Variants in KIAA1328 observed in about 807,000 individuals in gnomAD.
KIAA1328 encodes protein hinderin.
In KIAA1328, 52 loss-of-function variants were observed where a neutral mutation model predicts 68.1. The observed-to-expected ratio is 0.76, with a 90% CI of 0.61 to 0.96. The LOEUF (loss-of-function observed/expected upper bound fraction) is 0.96, where lower values mean the gene tolerates loss of function less well. KIAA1328 is among the 40% of genes least tolerant of loss of function. The probability of loss-of-function intolerance (pLI) is 0.00; values close to 1 mark genes in which losing one functional copy is unlikely to be tolerated. For synonymous variants in KIAA1328, 232 were observed against 239.4 expected (o/e 0.97, Z 0.28); for missense variants, 641 against 677.6 (o/e 0.95, Z 0.60).
intron 6 of KIAA1328, among the ~76,000 whole-genome samples, chr18:37,054,918 G>A (rs1411096518): frequency 6.6e-6 from 1 of 152,212 alleles, no homozygotes; most frequent in Admixed American, 6.5e-5. Flanking sequence ...CTGACATTTG[G>A]TAGGTGTTAC....
At chr18:37,216,522 C>T (rs2060437523) in intron 9 of KIAA1328, among the ~76,000 whole-genome samples, 1 of 152,128 alleles carries the variant, frequency 6.6e-6, no homozygotes, top group South Asian at 2.1e-4. Flanking sequence ...TGCTCTTTTA[C>T]ATTTGCTGAG....
intron 6 of KIAA1328, among the ~76,000 whole-genome samples, chr18:37,040,717 T>G (rs1344305678): frequency 1.3e-5 from 2 of 151,852 alleles, no homozygotes; most frequent in African/African-American, 4.8e-5. Flanking sequence ...AAATGCTGCT[T>G]TGGCTGCACT....
chr18:37,230,395 C>G (rs2154228362), downstream of KIAA1328: 1 of 152,328 alleles, frequency 6.6e-6, no homozygotes, highest in Non-Finnish European at 1.5e-5. Flanking sequence ...TCTAAAGGCA[C>G]TGTAATACCC....
intron 6 of KIAA1328, among the ~76,000 whole-genome samples, chr18:36,981,692 T>C (rs1000272828): frequency 5.9e-5 from 9 of 152,016 alleles, no homozygotes; most frequent in African/African-American, 1.9e-4. Flanking sequence ...GCTCAAAGGA[T>C]TCTTCTGTCT....
At chr18:36,864,626 G>A (rs2047685211) in intron 4 of KIAA1328, among the ~76,000 whole-genome samples, 1 of 116,386 alleles carries the variant, frequency 8.6e-6, no homozygotes. Flanking sequence ...GTCTTGGTCT[G>A]TTTTTGGTAT....
downstream of KIAA1328, chr18:37,232,045 A>T (rs977824774): frequency 6.6e-6 from 1 of 152,178 alleles, no homozygotes; most frequent in African/African-American, 2.4e-5. Context: ...TAAATTTGCT[A>T]TGTTTTCCAG....
chr18:36,956,572 A>G (rs1238753000), intron 5 of KIAA1328, among the ~76,000 whole-genome samples: 3 of 151,218 alleles, frequency 2.0e-5, no homozygotes, highest in Admixed American at 6.6e-5. Context: ...GAAATCTGCT[A>G]TATCAAGAAA....
At chr18:36,981,883 A>G (rs1251510654) in intron 6 of KIAA1328, among the ~76,000 whole-genome samples, 1 of 151,160 alleles carries the variant, frequency 6.6e-6, no homozygotes, top group Non-Finnish European at 1.5e-5. Context: ...ATGAGCCACC[A>G]CACCCAGCAG....
intron 6 of KIAA1328, among the ~76,000 whole-genome samples, chr18:37,034,266 A>T (rs1194596084): frequency 1.3e-5 from 2 of 152,140 alleles, no homozygotes; most frequent in Non-Finnish European, 2.9e-5. Flanking sequence ...AAGGTATATA[A>T]CCTCCTGGGC....
rs58625638 is a variant in KIAA1328 at position 36,931,832 on chromosome 18, A to ATT, written c.449-27470_449-27469dup. Reference sequence around the variant, plus strand: ...GAAAATTACCAAGCTTAGCTATTTCATTTTTTTAATTTTTAGTTTTATTTG... The same window carrying ATT: ...GAAAATTACCAAGCTTAGCTATTTCATTTTTTTTTAATTTTTAGTTTTATTTG... On this transcript the variant is annotated intron_variant, in intron 5 of 9. Coordinates refer to ENST00000280020, the MANE Select transcript of KIAA1328 (RefSeq NM_020776.3). Among the ~76,000 whole-genome samples the ATT allele has an allele frequency of 7.0e-4, 103 of 147,196 alleles. 1 individual carries two copies. Among genetic ancestry groups the ATT allele is most frequent in the African/African-American group, 2.4e-3 (93 of 38,864 alleles).
At chr18:36,938,569 C>G (rs552868076) in intron 5 of KIAA1328, among the ~76,000 whole-genome samples, 2 of 152,182 alleles carry the variant, frequency 1.3e-5, no homozygotes, top group Admixed American at 1.3e-4. Flanking sequence ...TCTGTTGTTT[C>G]CTTTCCTGTG....
chr18:36,845,992 C>T (rs796849283), intron 4 of KIAA1328, among the ~76,000 whole-genome samples: 21 of 151,678 alleles, frequency 1.4e-4, no homozygotes, highest in African/African-American at 4.6e-4. Context: ...TAAAGAACCC[C>T]ATTATTACTG....
At chr18:37,163,074 G>T (rs1047977216) in intron 8 of KIAA1328, among the ~76,000 whole-genome samples, 1 of 152,134 alleles carries the variant, frequency 6.6e-6, no homozygotes, top group Non-Finnish European at 1.5e-5. Context: ...ACTTTTAAAA[G>T]GCATAAATCT....
chr18:37,027,578 T>C (rs2054637457), intron 6 of KIAA1328, among the ~76,000 whole-genome samples: 1 of 152,158 alleles, frequency 6.6e-6, no homozygotes, highest in African/African-American at 2.4e-5. Flanking sequence ...TCTACAGCCA[T>C]CTGATCTTTG....
At chr18:36,885,867 C>A (rs1051336887) in intron 5 of KIAA1328, 195 bp downstream of exon 5, 2 of 511,240 alleles carry the variant, frequency 3.9e-6, no homozygotes, top group Non-Finnish European at 6.9e-6. Context: ...CAGGCACCCA[C>A]CACCAGGCCC....
intron 5 of KIAA1328, among the ~76,000 whole-genome samples, chr18:36,919,617 TCTTTA>T (rs756253629): frequency 6.6e-6 from 1 of 152,208 alleles, no homozygotes; most frequent in Non-Finnish European, 1.5e-5. Context: ...GAGTGGTAGT[TCTTTA>T]CTTTAAGTTC....
chr18:37,070,917 C>T (rs1480379204), intron 7 of KIAA1328, among the ~76,000 whole-genome samples: 6 of 151,982 alleles, frequency 3.9e-5, no homozygotes, highest in African/African-American at 9.7e-5. Context: ...GATGTGTGTT[C>T]TTCCATCCTT....
intron 6 of KIAA1328, among the ~76,000 whole-genome samples, chr18:37,031,250 T>C (rs2054815882): frequency 6.6e-6 from 1 of 152,214 alleles, no homozygotes; most frequent in Non-Finnish European, 1.5e-5. Context: ...GTATACTTTT[T>C]CCATCAGTTA....
intron 7 of KIAA1328, among the ~76,000 whole-genome samples, chr18:37,114,511 T>C (rs919591984): frequency 5.9e-5 from 9 of 152,086 alleles, no homozygotes; most frequent in Admixed American, 2.6e-4. Flanking sequence ...TTTAAAGCAG[T>C]GTGTAGAGGG....
Sources: gnomAD v4.1 joint callset for allele counts (sites outside exome capture counted in the v4.1 genomes callset) on GRCh38, gnomAD v4.1.1 for gene constraint, MANE v1.5 for transcripts, NCBI Gene and HGNC (gene_info 2026-07-23, HGNC 2026-07-21) for gene names.